MTHFD1: variants seen among roughly 807,000 people sequenced by gnomAD.
MTHFD1 encodes C-1-tetrahydrofolate synthase, cytoplasmic.
Under a neutral mutation model 110.3 loss-of-function variants are expected in MTHFD1, and 44 were observed. That is an observed-to-expected ratio of 0.40 (90% CI 0.31 to 0.51). The LOEUF is 0.51. Among genes scored for constraint, MTHFD1 ranks in the 20% least tolerant of loss-of-function variants. MTHFD1 has a pLI of 0.60. For synonymous variants in MTHFD1, 402 were observed against 428.8 expected (o/e 0.94, Z 0.77); for missense variants, 909 against 1,173.1 (o/e 0.77, Z 3.29).
chr14:64,412,420 C>G, intron 3 of MTHFD1, 52 bp from the exon 4 acceptor site: 4 of 1,329,190 alleles, frequency 3.0e-6, no homozygotes, highest in Non-Finnish European at 4.3e-6. Flanking sequence ...AGAAATGGTT[C>G]AATATCTCAA....
At chr14:64,441,818 AAAT>A in intron 19 of MTHFD1, 2 of 597,032 alleles carry the variant, frequency 3.3e-6, no homozygotes, top group Non-Finnish European at 5.9e-6. Flanking sequence ...AAAAAAAAAA[AAAT>A]TAAGCACACT....
chr14:64,431,318 G>A (rs1019534963), intron 13 of MTHFD1, among the ~76,000 whole-genome samples: 1 of 151,816 alleles, frequency 6.6e-6, no homozygotes, highest in African/African-American at 2.4e-5. Flanking sequence ...CGCCCGCCTC[G>A]GCCTCCCAAA....
At chr14:64,431,076 C>CTT (rs369540665) in intron 13 of MTHFD1, among the ~76,000 whole-genome samples, 6 of 135,364 alleles carry the variant, frequency 4.4e-5, no homozygotes, top group East Asian at 2.1e-4. Flanking sequence ...TTTTCTTTTT[C>CTT]TTTTTTTTTT....
intron 7 of MTHFD1, among the ~76,000 whole-genome samples, 166 bp from the exon 8 acceptor site, chr14:64,419,648 A>G (rs1289383260): frequency 6.6e-6 from 1 of 152,212 alleles, no homozygotes; most frequent in Non-Finnish European, 1.5e-5. Context: ...GGCTGTCAGA[A>G]ACAGTGTGTG....
chr14:64,405,360 C>T (rs1014089698), intron 2 of MTHFD1, among the ~76,000 whole-genome samples: 1 of 152,196 alleles, frequency 6.6e-6, no homozygotes, highest in African/African-American at 2.4e-5. Flanking sequence ...CACTGTTCTA[C>T]AGCTCGTCTC....
chr14:64,440,964 G>A (rs1378131619), intron 18 of MTHFD1: 1 of 274,652 alleles, frequency 3.6e-6, no homozygotes, highest in Non-Finnish European at 7.1e-6. Flanking sequence ...GGCTGAGGCG[G>A]GTGGATCACA....
Position 64,413,306 on chromosome 14 carries a change from C to T in MTHFD1, c.240+781C>T, listed in dbSNP as rs143313940. On this transcript the variant is annotated intron_variant, in intron 4 of 27. Transcript: ENST00000652337. ...GGCGGAGGTTGCAGTGAGCCAAGAT[C>T]GTACCATTGCACTCCAACCTGGGAA... is the stretch of plus-strand genomic sequence containing the variant. Among the ~76,000 whole-genome samples, 1,083 of 152,150 alleles carry T rather than the reference C, an allele frequency of 7.1e-3. 12 individuals carry two copies. The highest frequency in any genetic ancestry group is 9.4e-3 in the Non-Finnish European group (640 of 68,008).
intron 11 of MTHFD1, among the ~76,000 whole-genome samples, chr14:64,426,659 G>C (rs57503834): frequency 0.18 from 27,670 of 151,928 alleles, 3,380 homozygotes; most frequent in African/African-American, 0.35. Flanking sequence ...TTAGTAGAGA[G>C]TGTGTTTCAC....
At chr14:64,400,960 CTT>C in intron 2 of MTHFD1, 83 bp downstream of exon 2, 3 of 1,017,492 alleles carry the variant, frequency 2.9e-6, no homozygotes, top group Non-Finnish European at 4.5e-6. Context: ...TACTTTCCTC[CTT>C]TTTTTTTGGC....
chr14:64,433,713 C>CTTTTTTTTTT (rs1270622250), intron 15 of MTHFD1, among the ~76,000 whole-genome samples: 1 of 133,256 alleles, frequency 7.5e-6, no homozygotes, highest in African/African-American at 2.9e-5. Context: ...CTGAGCTCAG[C>CTTTTTTTTTT]ATTTTTTTTT....
At position 64,427,353 on chromosome 14, in the gene MTHFD1, C is replaced by T. The variant is rs925832277; in HGVS notation, c.1144C>T (p.Leu382=). The T allele has an allele frequency of 1.2e-6, 2 of 1,614,064 alleles. No individual in the cohort carries two copies. The highest frequency in any genetic ancestry group is 1.7e-6 in the Non-Finnish European group (2 of 1,180,046). The change falls in exon 12 of 28, where the codon CTG becomes TTG. Residue 382 remains leucine, a synonymous_variant. Transcript: ENST00000652337. ...VVVTGITPTP[L]GEGKSTTTIG... is the part of the protein sequence containing the mutation. ...GTCTTGAAGAATAACTCCAACACCC[C>T]TGGGAGAAGGGAAAAGCACAACTAC...
At chr14:64,420,301 C>T (rs2078058234) in intron 8 of MTHFD1, among the ~76,000 whole-genome samples, 1 of 152,054 alleles carries the variant, frequency 6.6e-6, no homozygotes, top group Non-Finnish European at 1.5e-5. Context: ...TATGAGAGTC[C>T]AGAAGAGGGA....
At chr14:64,421,825 C>T (rs975169975) in intron 8 of MTHFD1, among the ~76,000 whole-genome samples, 4 of 152,014 alleles carry the variant, frequency 2.6e-5, no homozygotes, top group African/African-American at 9.7e-5. Flanking sequence ...CGGGGTTTCA[C>T]CATGTTAGCC....
chr14:64,398,390 A>G (rs2077873423), intron 1 of MTHFD1, among the ~76,000 whole-genome samples: 1 of 152,090 alleles, frequency 6.6e-6, no homozygotes, highest in East Asian at 1.9e-4. Flanking sequence ...TACAAAAAAT[A>G]CAAAAATTAG....
At chr14:64,459,008 A>C (rs1201225241) in intron 27 of MTHFD1, among the ~76,000 whole-genome samples, 2 of 152,214 alleles carry the variant, frequency 1.3e-5, no homozygotes, top group African/African-American at 4.8e-5. Flanking sequence ...TGGCTTGCCT[A>C]TGAAAAGAAT....
intron 2 of MTHFD1, among the ~76,000 whole-genome samples, chr14:64,408,223 C>A (rs1177295459): frequency 2.3e-4 from 35 of 150,670 alleles, no homozygotes; most frequent in Non-Finnish European, 4.9e-4. Flanking sequence ...CTAACCTGTT[C>A]TGGAATAGGA....
chr14:64,431,736 A>G, intron 14 of MTHFD1, 51 bp from the exon 15 acceptor site: 1 of 1,598,492 alleles, frequency 6.3e-7, no homozygotes, highest in Non-Finnish European at 8.6e-7. Flanking sequence ...GGATGCAGGT[A>G]GCAAAGCAGT....
intron 19 of MTHFD1, 187 bp from the exon 20 acceptor site, chr14:64,441,867 T>C (rs558550762): frequency 1.5e-6 from 1 of 663,164 alleles, no homozygotes; most frequent in Non-Finnish European, 2.7e-6. Context: ...CACTTGCTCA[T>C]CTCTTTCTTC....
chr14:64,402,341 T>TC (rs1199482086), intron 2 of MTHFD1, among the ~76,000 whole-genome samples: 3 of 152,150 alleles, frequency 2.0e-5, no homozygotes, highest in Non-Finnish European at 4.4e-5. Context: ...ACCAACAAGC[T>TC]CATCAGAGAA....
Sources: allele counts gnomAD v4.1 joint callset (sites outside exome capture counted in the v4.1 genomes callset), GRCh38; gene constraint gnomAD v4.1.1; transcripts MANE v1.5; gene names NCBI Gene and HGNC (gene_info 2026-07-23, HGNC 2026-07-21).